POU6F2: variants seen among roughly 807,000 people sequenced by gnomAD.
POU6F2 encodes the protein POU domain, class 6, transcription factor 2.
A neutral mutation model predicts 71.3 loss-of-function variants in POU6F2; 31 were observed. The ratio of observed to expected loss-of-function variants is 0.43; its 90% CI spans 0.33 to 0.59. POU6F2 has a LOEUF of 0.59. Ranked by LOEUF, POU6F2 falls within the 20% of genes least tolerant of loss-of-function variation. The probability of loss-of-function intolerance (pLI) is 0.04; values close to 1 mark genes in which losing one functional copy is unlikely to be tolerated. For missense variants in POU6F2, 783 were observed against 856.8 expected, an observed-to-expected ratio of 0.91 and a Z score of 1.07; for synonymous variants, 347 against 355.7, an observed-to-expected ratio of 0.98 and a Z score of 0.27.
intron 1 of POU6F2, among the ~76,000 whole-genome samples, chr7:39,026,454 C>A (rs1789802855): frequency 6.6e-6 from 1 of 151,994 alleles, no homozygotes; most frequent in Admixed American, 6.6e-5. Flanking sequence ...TTTGTAGGGA[C>A]ATGGATGAAA....
intron 1 of POU6F2, among the ~76,000 whole-genome samples, chr7:39,052,602 A>G (rs1311195533): frequency 6.6e-6 from 1 of 152,022 alleles, no homozygotes; most frequent in Admixed American, 6.6e-5. Context: ...CCTTTGACAC[A>G]TGGGGATTAT....
intron 5 of POU6F2, among the ~76,000 whole-genome samples, chr7:39,391,355 T>C (rs1418338650): frequency 6.6e-6 from 1 of 152,198 alleles, no homozygotes. Flanking sequence ...AACTTGCTTA[T>C]TTTCTTTTCC....
At chr7:39,384,278 A>G (rs111902465) in intron 5 of POU6F2, among the ~76,000 whole-genome samples, 1,577 of 152,348 alleles carry the variant, frequency 0.01, 18 homozygotes, top group African/African-American at 0.037. Flanking sequence ...GCTCCTGGGC[A>G]TGGACCAGAC....
chr7:38,982,728 T>C (rs942394515), intron 1 of POU6F2, among the ~76,000 whole-genome samples: 5 of 152,084 alleles, frequency 3.3e-5, no homozygotes, highest in Non-Finnish European at 7.4e-5. Flanking sequence ...TTCTTTTCTA[T>C]CTCTAAGGTC....
intron 5 of POU6F2, among the ~76,000 whole-genome samples, chr7:39,357,138 AT>A (rs1366931324): frequency 6.6e-6 from 1 of 152,170 alleles, no homozygotes; most frequent in Non-Finnish European, 1.5e-5. Flanking sequence ...CCCAAAGAAA[AT>A]GAAAATGGAT....
intron 1 of POU6F2, among the ~76,000 whole-genome samples, chr7:39,012,793 G>A (rs528675350): frequency 7.1e-4 from 107 of 151,008 alleles, no homozygotes; most frequent in South Asian, 1.5e-3. Context: ...CGTGTGAGGT[G>A]TCAGTGTGCC....
At chr7:39,143,975 G>A (rs757567024) in intron 2 of POU6F2, among the ~76,000 whole-genome samples, 12 of 152,170 alleles carry the variant, frequency 7.9e-5, no homozygotes, top group Non-Finnish European at 1.5e-4. Flanking sequence ...GTCTAAAGAG[G>A]AGGATCACAA....
intron 2 of POU6F2, among the ~76,000 whole-genome samples, chr7:39,099,840 T>G (rs952863516): frequency 1.3e-5 from 2 of 152,202 alleles, no homozygotes; most frequent in Non-Finnish European, 2.9e-5. Flanking sequence ...GAGAAGTGAC[T>G]TATTCTGATG....
chr7:39,139,982 A>G (rs1469424421), intron 2 of POU6F2, among the ~76,000 whole-genome samples: 1 of 152,240 alleles, frequency 6.6e-6, no homozygotes, highest in African/African-American at 2.4e-5. Flanking sequence ...AATTCACATT[A>G]GAGACAGTCA....
At chr7:39,326,468 G>A (rs150872325) in intron 4 of POU6F2, among the ~76,000 whole-genome samples, 4 of 152,166 alleles carry the variant, frequency 2.6e-5, no homozygotes, top group African/African-American at 9.7e-5. Flanking sequence ...TTCAAATCAA[G>A]AATCAATGTT....
rs943509245 is a variant in POU6F2, at chr7:38,996,995, C to A, written c.105+18937C>A. Among the ~76,000 whole-genome samples the A allele has an allele frequency of 3.9e-5, 6 of 152,190 alleles. No individual in the cohort carries two copies. In the East Asian group the frequency reaches 1.2e-3, roughly 29 times the overall value. ...TGCCTGAATTATTGACATAATTCCT[C>A]TCTAGTCTTCCTGTTCCTATGTTTT... On this transcript the variant is annotated intron_variant, in intron 1 of 9. Coordinates refer to ENST00000518318, the MANE Select transcript of POU6F2 (RefSeq NM_001370959.1).
chr7:39,373,563 A>G, intron 5 of POU6F2: 2 of 456,570 alleles, frequency 4.4e-6, no homozygotes, highest in Non-Finnish European at 8.8e-6. Flanking sequence ...TTCAGAACCA[A>G]GCACACAGAA....
intron 2 of POU6F2, among the ~76,000 whole-genome samples, chr7:39,192,842 TAAAAA>T (rs1562740641): frequency 6.8e-6 from 1 of 147,196 alleles, no homozygotes; most frequent in Non-Finnish European, 1.5e-5. Context: ...ACTGCTCAAA[TAAAAA>T]AGAAAGGGAG....
intron 5 of POU6F2, among the ~76,000 whole-genome samples, chr7:39,344,295 G>A (rs989409540): frequency 6.6e-6 from 1 of 152,206 alleles, no homozygotes; most frequent in Non-Finnish European, 1.5e-5. Context: ...CCTCGGAGGT[G>A]AAGTTGCTTG....
chr7:39,053,964 G>A (rs6462888), intron 1 of POU6F2, among the ~76,000 whole-genome samples: 38,814 of 151,690 alleles, frequency 0.26, 5,545 homozygotes, highest in African/African-American at 0.39. Flanking sequence ...TTAGCCAGGC[G>A]TGGTGGCACG....
chr7:39,279,157 C>T (rs768721664), intron 4 of POU6F2, among the ~76,000 whole-genome samples: 1 of 152,280 alleles, frequency 6.6e-6, no homozygotes, highest in South Asian at 2.1e-4. Context: ...CTTTGCCACT[C>T]ATCCTATACT....
intron 6 of POU6F2, among the ~76,000 whole-genome samples, chr7:39,427,879 G>A (rs1308079026): frequency 1.3e-5 from 2 of 152,130 alleles, no homozygotes; most frequent in Non-Finnish European, 2.9e-5. Flanking sequence ...TGAATGCCCT[G>A]GGCTTCTGTG....
At chr7:39,171,018 T>A (rs1793209554) in intron 2 of POU6F2, among the ~76,000 whole-genome samples, 1 of 131,720 alleles carries the variant, frequency 7.6e-6, no homozygotes, top group African/African-American at 2.8e-5. Context: ...ACATATATCT[T>A]TTTTTTTTTT....
intron 6 of POU6F2, among the ~76,000 whole-genome samples, chr7:39,416,980 A>C (rs575889739): frequency 6.6e-6 from 1 of 152,270 alleles, no homozygotes; most frequent in East Asian, 1.9e-4. Flanking sequence ...CAGGGATGGG[A>C]GTGGAAGCCA....
Sources: gnomAD v4.1 joint callset for allele counts (sites outside exome capture counted in the v4.1 genomes callset) on GRCh38, gnomAD v4.1.1 for gene constraint, MANE v1.5 for transcripts, NCBI Gene and HGNC (gene_info 2026-07-23, HGNC 2026-07-21) for gene names.